TEX26: variants seen among roughly 807,000 people sequenced by gnomAD.
TEX26 encodes the protein testis-expressed protein 26.
In TEX26, 34 loss-of-function variants were observed where a neutral mutation model predicts 35.3. The ratio of observed to expected loss-of-function variants is 0.96; its 90% CI spans 0.73 to 1.28. The LOEUF (loss-of-function observed/expected upper bound fraction) is 1.28, where lower values mean the gene tolerates loss of function less well. Among genes scored for constraint, TEX26 ranks in the 50% most tolerant of loss-of-function variants. The pLI is 0.00. For missense variants in TEX26, 371 were observed against 330.1 expected, an observed-to-expected ratio of 1.12 and a Z score of -0.96; for synonymous variants, 136 against 111.8, an observed-to-expected ratio of 1.22 and a Z score of -1.36.
At chr13:30,951,919 C>A (rs1351943909) in intron 2 of TEX26, among the ~76,000 whole-genome samples, 3 of 118,524 alleles carry the variant, frequency 2.5e-5, no homozygotes, top group Admixed American at 9.8e-5. Context: ...CTCATTTAAT[C>A]TTTAAAAAAA....
chr13:30,952,821 A>G lies in TEX26; in HGVS notation c.308A>G (p.Asn103Ser), dbSNP rs142207829. ...RGIKSHKSHL[N>S]EDIFLWTLPH... The stretch of plus-strand genomic sequence containing the variant: ...ATCAAGAGCCACAAATCTCATCTCA[A>G]TGAAGTAAGATAATATCTACATATG... The change falls in exon 3 of 7, where the codon AAT (asparagine) becomes AGT (serine). Residue 103 changes from asparagine to serine, a missense_variant. Transcript: ENST00000380473. 161 of 1,612,004 alleles carry G rather than the reference A, an allele frequency of 1.0e-4. 1 individual carries two copies. In the African/African-American group the frequency reaches 1.9e-3, roughly 19 times the overall value.
chr13:30,937,144 C>G (rs1203478616), intron 1 of TEX26, among the ~76,000 whole-genome samples: 1 of 152,148 alleles, frequency 6.6e-6, no homozygotes, highest in Admixed American at 6.5e-5. Flanking sequence ...GAGGGAGGCT[C>G]TCATGGCCTC....
intron 2 of TEX26, among the ~76,000 whole-genome samples, chr13:30,949,403 G>C (rs1953839273): frequency 1.3e-5 from 2 of 151,976 alleles, no homozygotes; most frequent in South Asian, 4.2e-4. Flanking sequence ...ATCAGTCCTT[G>C]TTGTTCAAAT....
intron 3 of TEX26, among the ~76,000 whole-genome samples, chr13:30,956,081 T>G (rs955401446): frequency 6.6e-6 from 1 of 151,956 alleles, no homozygotes; most frequent in East Asian, 1.9e-4. Flanking sequence ...TTGTTACATA[T>G]GTATACATGT....
chr13:30,942,496 CT>C (rs1288315208), intron 2 of TEX26, among the ~76,000 whole-genome samples: 1 of 151,918 alleles, frequency 6.6e-6, no homozygotes, highest in Non-Finnish European at 1.5e-5. Flanking sequence ...ATTCTTTTTG[CT>C]GTATAAAAGC....
intron 5 of TEX26, among the ~76,000 whole-genome samples, chr13:30,967,010 T>C (rs1954562341): frequency 6.6e-6 from 1 of 152,078 alleles, no homozygotes; most frequent in South Asian, 2.1e-4. Context: ...TGCTTCCTTC[T>C]CCTAAAAAAT....
chr13:30,966,264 A>G lies in TEX26; in HGVS notation c.512A>G (p.Lys171Arg), dbSNP rs745526460. 2.5e-6 allele frequency: 4 copies of G among 1,614,050 alleles called. No homozygotes were observed. Among genetic ancestry groups the G allele is most frequent in the South Asian group, 2.2e-5 (2 of 91,070 alleles). ...KKSSHLSLEW[K>R]KLLPQPPDTE... ...AGTTCTCACTTGTCTCTGGAATGGA[A>G]AAAGTTACTTCCCCAACCTCCAGAC... The change falls in exon 5 of 7, where the codon AAA (lysine) becomes AGA (arginine). Residue 171 changes from lysine (K) to arginine (R), a missense_variant. Transcript: ENST00000380473.
At position 30,947,093 on chromosome 13, in the gene TEX26, T is replaced by C. The variant is rs1050577236; in HGVS notation, c.147-5567T>C. The stretch of plus-strand genomic sequence containing the variant: ...ATTAATTGAAATTAATTTTTAAACA[T>C]GTTATATGACCCTAAGTACTGAGTT... On this transcript the variant is annotated intron_variant, in intron 2 of 6. Transcript: ENST00000380473. 2.0e-5 allele frequency among the ~76,000 whole-genome samples: 3 copies of C among 152,292 alleles called. No homozygotes were observed. In the South Asian group the frequency reaches 6.2e-4, roughly 32 times the overall value.
chr13:30,962,182 A>G (rs1296382610), intron 4 of TEX26, among the ~76,000 whole-genome samples: 2 of 152,186 alleles, frequency 1.3e-5, no homozygotes, highest in Admixed American at 6.5e-5. Flanking sequence ...GACAGCCATC[A>G]TGAGTCTCCA....
chr13:30,951,444 A>G (rs1953918266), intron 2 of TEX26, among the ~76,000 whole-genome samples: 1 of 152,174 alleles, frequency 6.6e-6, no homozygotes, highest in African/African-American at 2.4e-5. Flanking sequence ...ATGATCATCC[A>G]GATGGATGTT....
At chr13:30,935,412 C>T (rs925224620) in intron 1 of TEX26, among the ~76,000 whole-genome samples, 3 of 152,260 alleles carry the variant, frequency 2.0e-5, no homozygotes, top group Admixed American at 1.3e-4. Flanking sequence ...GACCAATCAG[C>T]ATGCACTTCC....
intron 3 of TEX26, 74 bp from the exon 4 acceptor site, chr13:30,956,799 A>G (rs907938340): frequency 5.9e-6 from 8 of 1,354,380 alleles, no homozygotes; most frequent in Admixed American, 5.5e-5. Flanking sequence ...ATATGTGCAC[A>G]CAGACACTCA....
chr13:30,957,805 T>C (rs1440559707), intron 4 of TEX26, among the ~76,000 whole-genome samples: 1 of 152,204 alleles, frequency 6.6e-6, no homozygotes, highest in Non-Finnish European at 1.5e-5. Flanking sequence ...GCCTGGCTTA[T>C]CACAGGTGAT....
intron 2 of TEX26, among the ~76,000 whole-genome samples, chr13:30,940,543 C>T (rs1953453318): frequency 6.6e-6 from 1 of 151,800 alleles, no homozygotes; most frequent in African/African-American, 2.4e-5. Context: ...CTGTGTTAGC[C>T]AGGACGGTCT....
chr13:30,933,198 A>G (rs1336965475), intron 1 of TEX26: 1 of 156,070 alleles, frequency 6.4e-6, no homozygotes, highest in Non-Finnish European at 1.4e-5. Context: ...AAAGTGGGGG[A>G]AGGGTTGGCT....
chr13:30,945,138 A>G (rs1287159800), intron 2 of TEX26, among the ~76,000 whole-genome samples: 6 of 151,984 alleles, frequency 3.9e-5, no homozygotes, highest in African/African-American at 4.8e-5. Context: ...TGTTAGATGC[A>G]TACAAATTTA....
intron 2 of TEX26, among the ~76,000 whole-genome samples, chr13:30,941,585 C>T (rs1953513992): frequency 6.6e-6 from 1 of 152,030 alleles, no homozygotes; most frequent in African/African-American, 2.4e-5. Context: ...TTTAGGGTAC[C>T]CGTAACTAAA....
chr13:30,968,958 C>A lies in TEX26; in HGVS notation c.720C>A (p.Tyr240Ter), dbSNP rs2274869. 2 of 1,613,742 alleles carry A rather than the reference C, an allele frequency of 1.2e-6. No individual in the cohort carries two copies. Among genetic ancestry groups the A allele is most frequent in the Non-Finnish European group, 1.7e-6 (2 of 1,179,912 alleles). Residue 240 changes from tyrosine (Y) to a stop codon, truncating the protein, a stop_gained, in exon 6 of 7, where the codon TAC (tyrosine) becomes TAA (stop). Coordinates refer to ENST00000380473, the MANE Select transcript of TEX26 (RefSeq NM_152325.3). LOFTEE classifies it high-confidence loss of function. ...AACAGACCACATACCAAAGTGACTA[C>A]GACAAAACCTACCCAGATTTCTTAA... ...TKKQTTYQSD[Y>*]DKTYPDFLML... is the part of the protein sequence containing the mutation.
chr13:30,961,988 C>G (rs999491575), intron 4 of TEX26, among the ~76,000 whole-genome samples: 2 of 152,158 alleles, frequency 1.3e-5, no homozygotes, highest in African/African-American at 4.8e-5. Context: ...TCCTTAGACC[C>G]TCAGTTTCCT....
Sources: allele counts gnomAD v4.1 joint callset (sites outside exome capture counted in the v4.1 genomes callset), GRCh38; gene constraint gnomAD v4.1.1; transcripts MANE v1.5; gene names NCBI Gene and HGNC (gene_info 2026-07-23, HGNC 2026-07-21).